The following NRK variants were observed in gnomAD, a reference collection of about 807,000 sequenced individuals.
NRK encodes Nik related kinase, also known as nik-related protein kinase.
NRK carries 67 observed loss-of-function variants against 125.2 expected under a neutral mutation model. The observed-to-expected ratio is 0.54, with a 90% CI of 0.44 to 0.66. The LOEUF (loss-of-function observed/expected upper bound fraction) is 0.66. Ranked by LOEUF, NRK falls within the 30% of genes least tolerant of loss-of-function variation. The pLI, the probability that NRK is intolerant of heterozygous loss-of-function variation, is 0.00. For missense variants in NRK, 1,224 were observed against 1,192.9 expected (o/e 1.03, Z -0.38); for synonymous variants, 458 against 429.0 (o/e 1.07, Z -0.84).
At chrX:105,896,654 A>G (rs1162208675) in intron 7 of NRK, among the ~76,000 whole-genome samples, 1 of 110,368 alleles carries the variant, frequency 9.1e-6, no homozygotes. Context: ...AGTCTGGGCA[A>G]CATAGCAAGA....
chrX:105,823,859 G>A (rs974925942), intron 1 of NRK, among the ~76,000 whole-genome samples: 2 of 112,138 alleles, frequency 1.8e-5, no homozygotes, highest in Non-Finnish European at 3.8e-5. Flanking sequence ...AGCAGGCACC[G>A]CGCTGGAATG....
At chrX:105,893,718 A>G in intron 5 of NRK, 114 bp from the exon 6 acceptor site, 1 of 448,369 alleles carries the variant, frequency 2.2e-6, no homozygotes, top group Non-Finnish European at 3.9e-6. Context: ...CAGTACTTGC[A>G]GTGCCTTAAT....
intron 21 of NRK, 59 bp downstream of exon 21, chrX:105,935,384 A>G: frequency 2.6e-6 from 2 of 771,047 alleles, no homozygotes; most frequent in Non-Finnish European, 3.7e-6. Flanking sequence ...TGTGAAAATC[A>G]TAGACATAAA....
intron 5 of NRK, among the ~76,000 whole-genome samples, chrX:105,888,721 C>T (rs891351456): frequency 9.0e-6 from 1 of 111,274 alleles, no homozygotes; most frequent in South Asian, 3.9e-4. Flanking sequence ...GGAGCAAAGT[C>T]ACGTCTTGCA....
chrX:105,906,358 A>C (rs1182163246), intron 10 of NRK, 56 bp from the exon 11 acceptor site: 1 of 605,713 alleles, frequency 1.7e-6, no homozygotes, highest in East Asian at 3.8e-5. Flanking sequence ...GGTGGTGGGA[A>C]GAGGTCTGAC....
At chrX:105,912,190 A>G (rs888997022) in intron 13 of NRK, among the ~76,000 whole-genome samples, 4 of 111,425 alleles carry the variant, frequency 3.6e-5, no homozygotes, top group East Asian at 2.8e-4. Flanking sequence ...CTAGATCTCA[A>G]TTAGGGAGAA....
At chrX:105,951,814 C>A (rs1602709224) in intron 27 of NRK, among the ~76,000 whole-genome samples, 2 of 112,231 alleles carry the variant, frequency 1.8e-5, no homozygotes, top group Admixed American at 1.9e-4. Context: ...GGAAATTATG[C>A]GATGCCATAT....
chrX:105,944,832 T>A (rs113126487), intron 24 of NRK, among the ~76,000 whole-genome samples: 12,768 of 111,467 alleles, frequency 0.11, 1,811 homozygotes, highest in African/African-American at 0.4. Context: ...CTCTATCTAT[T>A]AATATTGTGA....
intron 19 of NRK, among the ~76,000 whole-genome samples, chrX:105,929,939 T>C (rs1048642151): frequency 1.8e-5 from 2 of 111,948 alleles, no homozygotes; most frequent in Non-Finnish European, 3.8e-5. Flanking sequence ...TGTTCAGAAA[T>C]CTGCTGTTAG....
chrX:105,917,926 C>T (rs189513495), intron 16 of NRK, among the ~76,000 whole-genome samples: 53 of 110,213 alleles, frequency 4.8e-4, no homozygotes, highest in Middle Eastern at 4.7e-3. Context: ...TCTAAGAAGG[C>T]GGGGGGAGTC....
intron 18 of NRK, 94 bp from the exon 19 acceptor site, chrX:105,924,601 T>C: frequency 3.0e-6 from 2 of 669,368 alleles, no homozygotes; most frequent in South Asian, 2.9e-5. Flanking sequence ...ATGGTAGATA[T>C]GTATAAGACA....
At chrX:105,906,390 T>C (rs370997961) in intron 10 of NRK, 24 bp from the exon 11 acceptor site, 140 of 1,042,713 alleles carry the variant, frequency 1.3e-4, no homozygotes, top group Non-Finnish European at 1.7e-4. Context: ...CACTTTTTTT[T>C]CCTCTCTTTG....
rs2040477582 is a variant in NRK, at chrX:105,923,299, A to T, written c.2792A>T (p.Asp931Val). Reference sequence around the variant, plus strand: ...CTCTATGATGCCAGTGCTGATACTGATGGTGATGATGATGATGAGTCTAAT... The same window carrying T: ...CTCTATGATGCCAGTGCTGATACTGTTGGTGATGATGATGATGAGTCTAAT... ...VELYDASADTDGDDDDESNDT... is the reference protein window; with the variant it reads ...VELYDASADTVGDDDDESNDT... Residue 931 changes from aspartate to valine, a missense_variant, in exon 18 of 29, where the codon GAT (aspartate) becomes GTT (valine). Physicochemically the swap from Asp to Val is radical, Grantham distance 152. Coordinates refer to ENST00000243300, the MANE Select transcript of NRK (RefSeq NM_198465.4). 8.4e-7 allele frequency: 1 copy of T among 1,193,110 alleles called. No homozygotes were observed. Among genetic ancestry groups the T allele is most frequent in the Non-Finnish European group, 1.1e-6 (1 of 880,725 alleles).
At chrX:105,955,311 G>A (rs1334824277) in intron 28 of NRK, among the ~76,000 whole-genome samples, 194 bp from the exon 29 acceptor site, 1 of 111,129 alleles carries the variant, frequency 9.0e-6, no homozygotes, top group Non-Finnish European at 1.9e-5. Flanking sequence ...ATAGTAAAAG[G>A]GTTGTTTTAA....
intron 11 of NRK, among the ~76,000 whole-genome samples, 175 bp downstream of exon 11, chrX:105,906,764 CGTGTGTGT>C (rs61655627): frequency 0.067 from 5,875 of 87,409 alleles, 380 homozygotes; most frequent in African/African-American, 0.2. Context: ...TTTTCTCTTG[CGTGTGTGT>C]GTGTGTGTGT....
In NRK at chrX:105,909,249, T is replaced by C; in HGVS notation, c.1608T>C (p.Pro536=). ...VPEQQRQGQA[P]EQQQRHNQVP... ...AACAACAAAGGCAGGGCCAGGCCCC[T>C]GAACAACAGCAGAGGCACAACCAGG... The change falls in exon 13 of 29, where the codon CCT becomes CCC. Residue 536 remains proline, a synonymous_variant. Transcript: ENST00000243300. 3 of 1,209,113 alleles carry C rather than the reference T, an allele frequency of 2.5e-6. No individual in the cohort carries two copies. Among genetic ancestry groups the C allele is most frequent in the Non-Finnish European group, 3.4e-6 (3 of 894,248 alleles).
At chrX:105,945,765 A>G (rs2040803366) in intron 24 of NRK, 107 bp from the exon 25 acceptor site, 21 of 645,750 alleles carry the variant, frequency 3.3e-5, no homozygotes, top group Non-Finnish European at 4.8e-5. Context: ...GATCTTGGCA[A>G]TGAATCCTGT....
chrX:105,901,800 T>C (rs965966661), intron 9 of NRK, among the ~76,000 whole-genome samples: 4 of 110,790 alleles, frequency 3.6e-5, no homozygotes, highest in African/African-American at 1.3e-4. Context: ...AAATTAATAA[T>C]GGAAAATGTT....
chrX:105,834,707 T>G (rs1253913790), intron 2 of NRK, among the ~76,000 whole-genome samples: 2 of 111,309 alleles, frequency 1.8e-5, no homozygotes, highest in African/African-American at 6.5e-5. Flanking sequence ...TGTGTCTGTG[T>G]GTGTTTCATT....
Sources: allele counts gnomAD v4.1 joint callset (sites outside exome capture counted in the v4.1 genomes callset), GRCh38; gene constraint gnomAD v4.1.1; transcripts MANE v1.5; gene names NCBI Gene and HGNC (gene_info 2026-07-23, HGNC 2026-07-21).